Variants in SPOCK1 observed in about 807,000 individuals in gnomAD.
The protein encoded by SPOCK1 is testican-1.
SPOCK1 carries 23 observed loss-of-function variants against 55.3 expected under a neutral mutation model. The ratio of observed to expected loss-of-function variants is 0.42; its 90% CI spans 0.30 to 0.59. The LOEUF (loss-of-function observed/expected upper bound fraction) is 0.59. Ranked by LOEUF, SPOCK1 falls within the 20% of genes least tolerant of loss-of-function variation. The pLI is 0.22. For missense variants in SPOCK1, 499 were observed against 552.5 expected, an observed-to-expected ratio of 0.90 and a Z score of 0.97; for synonymous variants, 226 against 221.0, an observed-to-expected ratio of 1.02 and a Z score of -0.20.
At chr5:137,040,997 C>T (rs1042024604) in intron 6 of SPOCK1, among the ~76,000 whole-genome samples, 2 of 152,278 alleles carry the variant, frequency 1.3e-5, no homozygotes, top group African/African-American at 2.4e-5. Flanking sequence ...AGGAACCATA[C>T]ATATTTCTTT....
At chr5:137,457,483 A>G (rs1171319339) in intron 2 of SPOCK1, among the ~76,000 whole-genome samples, 7 of 146,960 alleles carry the variant, frequency 4.8e-5, no homozygotes, top group African/African-American at 1.7e-4. Context: ...GAGCCTTTCA[A>G]ATCTCATACT....
intron 5 of SPOCK1, among the ~76,000 whole-genome samples, chr5:137,109,389 T>A (rs549284925): frequency 2.0e-5 from 3 of 152,204 alleles, no homozygotes; most frequent in Non-Finnish European, 4.4e-5. Context: ...CAAATCCAAG[T>A]TGAGTTATGC....
chr5:137,074,595 C>A lies in SPOCK1; in HGVS notation c.475-6766G>T, dbSNP rs556666522. 2.6e-3 allele frequency among the ~76,000 whole-genome samples: 400 copies of A among 152,360 alleles called. 3 individuals are homozygous for A. Among genetic ancestry groups the A allele is most frequent in the African/African-American group, 9.1e-3 (378 of 41,580 alleles). On this transcript the variant is annotated intron_variant, in intron 5 of 10. Transcript: ENST00000394945. ...GCAGTGACATGATTTCAGCTCACTG[C>A]AACCTCCGCCTCCCAGGTTCAAGCA... is the stretch of plus-strand genomic sequence containing the variant.
chr5:137,401,768 G>T (rs893281666), intron 2 of SPOCK1, among the ~76,000 whole-genome samples: 1 of 151,800 alleles, frequency 6.6e-6, no homozygotes, highest in Admixed American at 6.6e-5. Context: ...GGAAATGGAG[G>T]GTCAAAGAGG....
chr5:137,360,571 G>A lies in SPOCK1; in HGVS notation c.187-93516C>T, dbSNP rs76843404. Among the ~76,000 whole-genome samples the A allele has an allele frequency of 4.9e-3, 743 of 152,308 alleles. 2 individuals are homozygous for A. Among genetic ancestry groups the A allele is most frequent in the African/African-American group, 0.014 (564 of 41,552 alleles). ...GTCCAGCATTTCCAAATGAGTCTGC[G>A]CACTTTGATCTCTGCAGTGCCTCAC... is the stretch of plus-strand genomic sequence containing the variant. On this transcript the variant is annotated intron_variant, in intron 2 of 10. Coordinates refer to ENST00000394945, the MANE Select transcript of SPOCK1 (RefSeq NM_004598.4).
chr5:137,217,026 T>C (rs9327775), intron 3 of SPOCK1, among the ~76,000 whole-genome samples: 63,486 of 151,792 alleles, frequency 0.42, 13,962 homozygotes, highest in Middle Eastern at 0.49. Flanking sequence ...AGGCCTAGGT[T>C]GGGAGAAGGG....
At chr5:136,992,952 A>G (rs1750975935) in intron 6 of SPOCK1, 1 of 178,416 alleles carries the variant, frequency 5.6e-6, no homozygotes. Context: ...GTTTTGCCAG[A>G]GGAGATTACA....
intron 2 of SPOCK1, among the ~76,000 whole-genome samples, chr5:137,336,075 T>G (rs536661506): frequency 2.6e-5 from 4 of 152,342 alleles, no homozygotes; most frequent in African/African-American, 9.6e-5. Flanking sequence ...CAGAATTTTC[T>G]AAAATAATGA....
At chr5:137,212,848 A>T (rs1436011896) in intron 3 of SPOCK1, among the ~76,000 whole-genome samples, 1 of 152,222 alleles carries the variant, frequency 6.6e-6, no homozygotes, top group Non-Finnish European at 1.5e-5. Context: ...GGTTGGCTGG[A>T]CAAAGACGCT....
chr5:137,491,888 A>G (rs1754187581), intron 2 of SPOCK1, among the ~76,000 whole-genome samples: 2 of 152,218 alleles, frequency 1.3e-5, no homozygotes, highest in African/African-American at 2.4e-5. Context: ...ATATACAACT[A>G]TAAATCAAGG....
At chr5:137,474,417 T>G (rs1242782296) in intron 2 of SPOCK1, among the ~76,000 whole-genome samples, 1 of 152,100 alleles carries the variant, frequency 6.6e-6, no homozygotes, top group Non-Finnish European at 1.5e-5. Flanking sequence ...AATGGTATGG[T>G]GTTTGATTTA....
intron 5 of SPOCK1, among the ~76,000 whole-genome samples, chr5:137,101,632 T>C (rs756387891): frequency 6.6e-6 from 1 of 152,244 alleles, no homozygotes; most frequent in Non-Finnish European, 1.5e-5. Context: ...ATCTGCATGC[T>C]TAAGTAGTCT....
intron 3 of SPOCK1, among the ~76,000 whole-genome samples, chr5:137,251,937 C>T (rs1018986500): frequency 9.9e-5 from 15 of 151,946 alleles, no homozygotes; most frequent in African/African-American, 3.4e-4. Context: ...TATTTTTCTT[C>T]GAGACAGAGT....
At chr5:137,254,305 T>C (rs373780942) in intron 3 of SPOCK1, among the ~76,000 whole-genome samples, 1 of 152,230 alleles carries the variant, frequency 6.6e-6, no homozygotes, top group Non-Finnish European at 1.5e-5. Flanking sequence ...GGCTGTTTCA[T>C]AATACCTGCT....
At chr5:137,410,711 C>A (rs1389722066) in intron 2 of SPOCK1, among the ~76,000 whole-genome samples, 1 of 152,232 alleles carries the variant, frequency 6.6e-6, no homozygotes, top group Non-Finnish European at 1.5e-5. Context: ...CACCTGTGAG[C>A]ATGAGCTCGA....
chr5:137,423,077 G>T lies in SPOCK1; in HGVS notation c.186+75296C>A, dbSNP rs560204389. ...CCAGACCCTGTTTGCCTGGGTATCAGCAGCAGAGGCTGCAGAACAGCAAAT... is the reference window on the plus strand; with the variant it reads ...CCAGACCCTGTTTGCCTGGGTATCATCAGCAGAGGCTGCAGAACAGCAAAT... On this transcript the variant is annotated intron_variant, in intron 2 of 10. Transcript: ENST00000394945. Among the ~76,000 whole-genome samples the T allele has an allele frequency of 5.3e-5, 8 of 152,340 alleles. No individual in the cohort carries two copies. In the South Asian group the frequency reaches 1.7e-3, roughly 32 times the overall value.
At chr5:137,156,842 T>A (rs953785306) in intron 3 of SPOCK1, among the ~76,000 whole-genome samples, 3 of 152,064 alleles carry the variant, frequency 2.0e-5, no homozygotes, top group Non-Finnish European at 2.9e-5. Flanking sequence ...CATAAGTGGA[T>A]CCAGAGCCCT....
intron 3 of SPOCK1, among the ~76,000 whole-genome samples, chr5:137,215,928 T>C (rs1446059528): frequency 1.3e-5 from 2 of 152,196 alleles, no homozygotes; most frequent in Non-Finnish European, 2.9e-5. Flanking sequence ...AAGAGATCAG[T>C]GGCTGGCCCA....
intron 2 of SPOCK1, among the ~76,000 whole-genome samples, chr5:137,353,339 T>A (rs1270052671): frequency 6.6e-6 from 1 of 152,174 alleles, no homozygotes; most frequent in Admixed American, 6.5e-5. Context: ...AGAGATCACA[T>A]AACTGCACTC....
Sources: allele counts gnomAD v4.1 joint callset (sites outside exome capture counted in the v4.1 genomes callset), GRCh38; gene constraint gnomAD v4.1.1; transcripts MANE v1.5; gene names NCBI Gene and HGNC (gene_info 2026-07-23, HGNC 2026-07-21).